PTCHD4: variants seen among roughly 807,000 people sequenced by gnomAD.
PTCHD4 encodes the protein patched domain-containing protein 4.
In PTCHD4, 33 loss-of-function variants were observed where a neutral mutation model predicts 58.1. The ratio of observed to expected loss-of-function variants is 0.57; its 90% confidence interval spans 0.43 to 0.76. The LOEUF (loss-of-function observed/expected upper bound fraction) is 0.76, where lower values mean the gene tolerates loss of function less well. Ranked by LOEUF, PTCHD4 falls within the 30% of genes least tolerant of loss-of-function variation. PTCHD4 has a pLI of 0.00. For missense variants in PTCHD4, 1,058 were observed against 1,027.1 expected, an observed-to-expected ratio of 1.03 and a Z score of -0.41; for synonymous variants, 478 against 409.6, an observed-to-expected ratio of 1.17 and a Z score of -2.02.
At chr6:47,975,507 A>G (rs1160366368) in intron 4 of PTCHD4, among the ~76,000 whole-genome samples, 1 of 152,126 alleles carries the variant, frequency 6.6e-6, no homozygotes, top group Non-Finnish European at 1.5e-5. Context: ...TATCAACCCT[A>G]ACCTTCTTGG....
At chr6:48,095,007 C>A (rs1376710312) in intron 1 of PTCHD4, among the ~76,000 whole-genome samples, 1 of 151,966 alleles carries the variant, frequency 6.6e-6, no homozygotes, top group Admixed American at 6.6e-5. Context: ...ATTTTGGGGA[C>A]AGGGTAGTAT....
chr6:48,084,319 T>A (rs1367757809), intron 1 of PTCHD4, among the ~76,000 whole-genome samples: 2 of 152,240 alleles, frequency 1.3e-5, no homozygotes, highest in African/African-American at 4.8e-5. Context: ...GATTAATCAC[T>A]TCCAATTGAA....
intron 1 of PTCHD4, among the ~76,000 whole-genome samples, chr6:48,090,878 C>G (rs951326656): frequency 6.6e-6 from 1 of 152,182 alleles, no homozygotes; most frequent in African/African-American, 2.4e-5. Context: ...AAAGAGCATG[C>G]TCCCACATTA....
rs760939420 is a variant in PTCHD4 at position 48,008,648 on chromosome 6, G to A, written c.884C>T (p.Pro295Leu). ...GKYNSTLLGI[P>L]FFAMGHGTKG... ...TGGATAGTTACCCATGGCGAAGAAC[G>A]GGATTCCCAGCAGGGTGGAGTTGTA... is the stretch of plus-strand genomic sequence containing the variant. The change falls in exon 4 of 5, where the codon CCG becomes CTG. Residue 295 changes from proline to leucine, a missense_variant. Transcript: ENST00000339488. The A allele has an allele frequency of 1.5e-5, 24 of 1,612,912 alleles. No individual in the cohort carries two copies. The highest frequency in any genetic ancestry group is 1.7e-4 in the Middle Eastern group (1 of 6,054).
chr6:47,981,081 C>G (rs777430729), intron 4 of PTCHD4, among the ~76,000 whole-genome samples: 39 of 152,224 alleles, frequency 2.6e-4, no homozygotes, highest in South Asian at 1.2e-3. Context: ...GATCACCTGT[C>G]TTTAGCCTTC....
At chr6:47,917,050 C>T (rs1043821703) in intron 4 of PTCHD4, among the ~76,000 whole-genome samples, 1 of 151,932 alleles carries the variant, frequency 6.6e-6, no homozygotes, top group Non-Finnish European at 1.5e-5. Flanking sequence ...TAGTGGACAA[C>T]TTTGTATGTA....
chr6:47,944,267 T>C (rs1436224557), intron 4 of PTCHD4, among the ~76,000 whole-genome samples: 2 of 152,108 alleles, frequency 1.3e-5, no homozygotes, highest in Non-Finnish European at 2.9e-5. Flanking sequence ...AATCCAAGTG[T>C]TGCAAATCTT....
At chr6:48,005,370 G>A (rs1156313667) in intron 4 of PTCHD4, among the ~76,000 whole-genome samples, 7 of 152,172 alleles carry the variant, frequency 4.6e-5, no homozygotes, top group Non-Finnish European at 7.3e-5. Context: ...ATCTTAGGAA[G>A]ACAGGAATAG....
chr6:48,037,887 C>G (rs1169892807), intron 3 of PTCHD4, among the ~76,000 whole-genome samples: 1 of 143,280 alleles, frequency 7.0e-6, no homozygotes, highest in South Asian at 2.3e-4. Flanking sequence ...TTAAAATGAG[C>G]CACCAAATGC....
chr6:48,108,053 G>A (rs572895295), intron 1 of PTCHD4, among the ~76,000 whole-genome samples: 24 of 152,248 alleles, frequency 1.6e-4, no homozygotes, highest in Admixed American at 1.2e-3. Flanking sequence ...CGATTCCTCA[G>A]GGATCTAGAA....
At chr6:47,965,664 CACACCTGTAATT>C (rs1386317639) in intron 4 of PTCHD4, among the ~76,000 whole-genome samples, 5 of 152,194 alleles carry the variant, frequency 3.3e-5, no homozygotes, top group African/African-American at 1.2e-4. Context: ...AGCGTTGGCT[CACACCTGTAATT>C]CCAGCACTTT....
intron 1 of PTCHD4, among the ~76,000 whole-genome samples, chr6:48,074,414 C>G (rs1036795884): frequency 1.3e-5 from 2 of 152,332 alleles, no homozygotes; most frequent in Admixed American, 1.3e-4. Flanking sequence ...AGGCAACACA[C>G]GCAGACAGAC....
intron 4 of PTCHD4, chr6:47,901,782 A>T: frequency 2.4e-6 from 3 of 1,242,904 alleles, no homozygotes; most frequent in Non-Finnish European, 3.1e-6. Context: ...GATGATGACG[A>T]TGATGATGAT....
rs1763598393 is a variant in PTCHD4, at chr6:47,867,416, CTG to C, written c.*10885_*10886del. Reference sequence around the variant, plus strand: ...AACAGTTAAAATTCAAAAATAGAGACTGTGTATTTACATTTTGTAAACCATTC... The same window carrying C: ...AACAGTTAAAATTCAAAAATAGAGACTGTATTTACATTTTGTAAACCATTC... On this transcript the variant is annotated 3_prime_UTR_variant, in exon 5 of 5. Transcript: ENST00000339488. 6.6e-6 allele frequency among the ~76,000 whole-genome samples: 1 copy of C among 151,722 alleles called. No individual in the cohort carries two copies. Among genetic ancestry groups the C allele is most frequent in the African/African-American group, 2.4e-5 (1 of 41,348 alleles).
At chr6:47,954,008 C>T (rs1036044851) in intron 4 of PTCHD4, among the ~76,000 whole-genome samples, 2 of 152,106 alleles carry the variant, frequency 1.3e-5, no homozygotes, top group Non-Finnish European at 2.9e-5. Context: ...TTCCACTTTA[C>T]TACTGAAGTG....
intron 4 of PTCHD4, among the ~76,000 whole-genome samples, chr6:47,969,174 T>C (rs1250916032): frequency 6.6e-6 from 1 of 152,186 alleles, no homozygotes; most frequent in African/African-American, 2.4e-5. Flanking sequence ...TTTTAAAAAA[T>C]GGAGTTACTG....
intron 3 of PTCHD4, among the ~76,000 whole-genome samples, chr6:48,063,217 T>C (rs1016935374): frequency 1.3e-5 from 2 of 152,150 alleles, no homozygotes; most frequent in Non-Finnish European, 2.9e-5. Context: ...TCTGACTTGA[T>C]AGAAAATGAT....
At position 47,875,245 on chromosome 6, in the gene PTCHD4, T is replaced by A. The variant is rs565730669; in HGVS notation, c.*3058A>T. Among the ~76,000 whole-genome samples the A allele has an allele frequency of 3.3e-5, 5 of 151,960 alleles. No individual in the cohort carries two copies. The highest frequency in any genetic ancestry group is 1.2e-4 in the African/African-American group (5 of 41,528). On this transcript the variant is annotated 3_prime_UTR_variant, in exon 5 of 5. Coordinates refer to ENST00000339488, the MANE Select transcript of PTCHD4 (RefSeq NM_001384253.1). ...TTCCTAATTTGAATGGCATTAGTAC[T>A]TCATAAATGAACAAAACAATGAGTG...
Position 47,866,360 on chromosome 6 carries a change from G to A in PTCHD4, c.*11943C>T, listed in dbSNP as rs2114068853. Among the ~76,000 whole-genome samples, 1 of 151,954 alleles carries A rather than the reference G, an allele frequency of 6.6e-6. No individual in the cohort carries two copies. Among genetic ancestry groups the A allele is most frequent in the East Asian group, 1.9e-4 (1 of 5,144 alleles). ...AGGATATATTGATTTAAGTAGTCTGGCATGAAGTCTGGGCATTGAGACTTT... is the reference window on the plus strand; with the variant it reads ...AGGATATATTGATTTAAGTAGTCTGACATGAAGTCTGGGCATTGAGACTTT... On this transcript the variant is annotated 3_prime_UTR_variant, in exon 5 of 5. Coordinates refer to ENST00000339488, the MANE Select transcript of PTCHD4 (RefSeq NM_001384253.1).
Sources: gnomAD v4.1 joint callset for allele counts (sites outside exome capture counted in the v4.1 genomes callset) on GRCh38, gnomAD v4.1.1 for gene constraint, MANE v1.5 for transcripts, NCBI Gene and HGNC (gene_info 2026-07-23, HGNC 2026-07-21) for gene names.